SCFD2: variants seen among roughly 807,000 people sequenced by gnomAD.
SCFD2 encodes the protein sec1 family domain-containing protein 2.
In SCFD2, 54 loss-of-function variants were observed where a neutral mutation model predicts 58.9. The observed-to-expected ratio is 0.92, with a 90% CI of 0.74 to 1.15. SCFD2 has a LOEUF of 1.15. SCFD2 is among the 50% of genes most tolerant of loss of function. SCFD2 has a pLI of 0.00. For missense variants in SCFD2, 805 were observed against 836.6 expected, an observed-to-expected ratio of 0.96 and a Z score of 0.47; for synonymous variants, 321 against 335.9, an observed-to-expected ratio of 0.96 and a Z score of 0.49.
chr4:53,118,105 G>A (rs911511793), intron 5 of SCFD2, among the ~76,000 whole-genome samples: 2 of 152,146 alleles, frequency 1.3e-5, no homozygotes, highest in African/African-American at 4.8e-5. Flanking sequence ...AGATGTGTTT[G>A]TGAGATGGAC....
intron 5 of SCFD2, among the ~76,000 whole-genome samples, chr4:52,961,414 G>A (rs1396664595): frequency 6.6e-6 from 1 of 152,222 alleles, no homozygotes; most frequent in Non-Finnish European, 1.5e-5. Context: ...TGAGGACAAA[G>A]ATTGAGGAAA....
intron 4 of SCFD2, among the ~76,000 whole-genome samples, chr4:53,194,519 AAC>A (rs1728003890): frequency 6.6e-6 from 1 of 152,170 alleles, no homozygotes; most frequent in African/African-American, 2.4e-5. Context: ...ATTACGGATG[AAC>A]ATAGATCAAA....
chr4:52,951,179 C>G (rs28479292), intron 5 of SCFD2, among the ~76,000 whole-genome samples: 7,863 of 152,116 alleles, frequency 0.052, 680 homozygotes, highest in African/African-American at 0.18. Context: ...TAATTCTCTC[C>G]CTCCCTTCCT....
rs1730990968 is a variant in SCFD2 at position 53,266,586 on chromosome 4, C to A, written c.1311+7240G>T. Among the ~76,000 whole-genome samples, 3 of 152,172 alleles carry A rather than the reference C, an allele frequency of 2.0e-5. No individual in the cohort carries two copies. In the South Asian group the frequency reaches 6.2e-4, roughly 32 times the overall value. On this transcript the variant is annotated intron_variant, in intron 4 of 8. Coordinates refer to ENST00000401642, the MANE Select transcript of SCFD2 (RefSeq NM_152540.4). ...GAAAGGAATTCTTCATACTTTACAC[C>A]ATTTCACCAAATTAAATGAATTTGT...
intron 7 of SCFD2, among the ~76,000 whole-genome samples, chr4:52,902,794 ATAGT>A (rs1395605712): frequency 1.3e-5 from 2 of 152,238 alleles, no homozygotes; most frequent in East Asian, 1.9e-4. Context: ...CCAAGGTCAC[ATAGT>A]TAGTAAACGG....
At chr4:53,093,199 T>C (rs1724521793) in intron 5 of SCFD2, among the ~76,000 whole-genome samples, 1 of 152,124 alleles carries the variant, frequency 6.6e-6, no homozygotes, top group Non-Finnish European at 1.5e-5. Context: ...GCTGAAAAGT[T>C]TGGAGCACAG....
At chr4:53,228,274 G>C (rs759943640) in intron 4 of SCFD2, among the ~76,000 whole-genome samples, 2 of 152,046 alleles carry the variant, frequency 1.3e-5, no homozygotes, top group Non-Finnish European at 2.9e-5. Flanking sequence ...CAAAGAACAG[G>C]GTAAAAATGG....
intron 2 of SCFD2, among the ~76,000 whole-genome samples, chr4:53,329,384 G>T (rs886982746): frequency 1.3e-5 from 2 of 152,016 alleles, no homozygotes; most frequent in African/African-American, 4.8e-5. Context: ...CTCCCAGCAC[G>T]CAGCTGGAGA....
chr4:52,902,621 A>G (rs1307645829), intron 7 of SCFD2, among the ~76,000 whole-genome samples: 1 of 152,240 alleles, frequency 6.6e-6, no homozygotes, highest in Non-Finnish European at 1.5e-5. Flanking sequence ...CAAATCCATA[A>G]AAATAATAAT....
chr4:52,879,340 T>C (rs1243333337), intron 8 of SCFD2, among the ~76,000 whole-genome samples: 1 of 152,150 alleles, frequency 6.6e-6, no homozygotes, highest in African/African-American at 2.4e-5. Flanking sequence ...ATATGAGAAA[T>C]GGGGTTTTTA....
chr4:52,908,963 G>T (rs2109473089), intron 6 of SCFD2, among the ~76,000 whole-genome samples: 1 of 152,274 alleles, frequency 6.6e-6, no homozygotes, highest in South Asian at 2.1e-4. Flanking sequence ...GAAAACTATG[G>T]ATCCACCTTG....
chr4:52,891,475 CAG>C (rs1718875302), intron 7 of SCFD2, among the ~76,000 whole-genome samples: 1 of 152,202 alleles, frequency 6.6e-6, no homozygotes, highest in Admixed American at 6.5e-5. Context: ...CCATTTCACA[CAG>C]AGACACAGAG....
intron 5 of SCFD2, among the ~76,000 whole-genome samples, chr4:53,076,838 C>T (rs1433391527): frequency 6.6e-6 from 1 of 152,140 alleles, no homozygotes; most frequent in South Asian, 2.1e-4. Flanking sequence ...TCTTTGAGAA[C>T]AAATTATTTC....
intron 4 of SCFD2, among the ~76,000 whole-genome samples, chr4:53,253,371 C>T (rs553383611): frequency 1.9e-4 from 29 of 152,116 alleles, no homozygotes; most frequent in African/African-American, 5.3e-4. Flanking sequence ...CCATTTGACC[C>T]AGCCATCCCA....
intron 2 of SCFD2, among the ~76,000 whole-genome samples, chr4:53,346,306 C>G (rs965524995): frequency 1.4e-5 from 2 of 143,118 alleles, no homozygotes; most frequent in African/African-American, 5.1e-5. Flanking sequence ...GGGAGTTTCA[C>G]TCTTGTTGCC....
At chr4:53,278,440 G>T (rs1577924968) in intron 3 of SCFD2, among the ~76,000 whole-genome samples, 1 of 151,662 alleles carries the variant, frequency 6.6e-6, no homozygotes, top group East Asian at 1.9e-4. Context: ...TACTCAGGCA[G>T]CTGAGGCAGG....
intron 2 of SCFD2, among the ~76,000 whole-genome samples, chr4:53,351,761 C>T (rs1444818777): frequency 6.6e-6 from 1 of 152,028 alleles, no homozygotes; most frequent in African/African-American, 2.4e-5. Context: ...ATTGGGTATC[C>T]AATAAGTATT....
chr4:53,330,428 G>C (rs1300384560), intron 2 of SCFD2, among the ~76,000 whole-genome samples: 2 of 151,580 alleles, frequency 1.3e-5, no homozygotes, highest in Non-Finnish European at 1.5e-5. Flanking sequence ...AGAAGAGAGT[G>C]GGGGGCAATA....
At chr4:53,021,355 A>G (rs1420908346) in intron 5 of SCFD2, among the ~76,000 whole-genome samples, 1 of 152,228 alleles carries the variant, frequency 6.6e-6, no homozygotes, top group Non-Finnish European at 1.5e-5. Context: ...GAAGAAAAAC[A>G]TTTTAAAGTA....
Sources: gnomAD v4.1 joint callset for allele counts (sites outside exome capture counted in the v4.1 genomes callset) on GRCh38, gnomAD v4.1.1 for gene constraint, MANE v1.5 for transcripts, NCBI Gene and HGNC (gene_info 2026-07-23, HGNC 2026-07-21) for gene names.